Variants in SEPTIN3 observed in about 807,000 individuals in gnomAD.
SEPTIN3 encodes the protein neuronal-specific septin-3.
A neutral mutation model predicts 45.1 loss-of-function variants in SEPTIN3; 15 were observed. That is an observed-to-expected ratio of 0.33 (90% CI 0.22 to 0.51). The LOEUF is 0.51. Ranked by LOEUF, SEPTIN3 falls within the 20% of genes least tolerant of loss-of-function variation. The pLI is 0.97. For missense variants in SEPTIN3, 289 were observed against 457.2 expected (o/e 0.63, Z 3.35); for synonymous variants, 148 against 164.8 (o/e 0.90, Z 0.78).
chr22:41,975,567 G>C (rs1028426936), intron 2 of SEPTIN3, among the ~76,000 whole-genome samples: 1 of 152,062 alleles, frequency 6.6e-6, no homozygotes, highest in Non-Finnish European at 1.5e-5. Context: ...GATGTCTCCC[G>C]GGCATGTCCA....
chr22:41,985,855 C>T, intron 3 of SEPTIN3, 129 bp from the exon 4 acceptor site: 1 of 1,161,360 alleles, frequency 8.6e-7, no homozygotes, highest in East Asian at 2.9e-5. Flanking sequence ...GCCTGGCCAT[C>T]CCCCAGTGAG....
At chr22:41,981,614 C>A in intron 2 of SEPTIN3, 31 bp from the exon 3 acceptor site, 1 of 1,580,692 alleles carries the variant, frequency 6.3e-7, no homozygotes, top group African/African-American at 1.3e-5. Context: ...TCCTGATCAC[C>A]CCTCCGACCC....
chr22:41,995,168 G>A, intron 11 of SEPTIN3: 2 of 1,056,500 alleles, frequency 1.9e-6, no homozygotes, highest in Non-Finnish European at 2.3e-6. Context: ...ACAAACTGGG[G>A]CTATAGAGAT....
At position 41,976,917 on chromosome 22, in the gene SEPTIN3, G is replaced by C. The variant is rs1466383369; in HGVS notation, c.1504+3921G>C. Reference sequence around the variant, plus strand: ...CGGGGCGCAGGGGCGGCGCGGCGGGGCCGCGGGCCGGGCGGGTGGGAGGAG... The same window carrying C: ...CGGGGCGCAGGGGCGGCGCGGCGGGCCCGCGGGCCGGGCGGGTGGGAGGAG... On this transcript the variant is annotated intron_variant, in intron 2 of 11. Coordinates refer to ENST00000644076, the MANE Select transcript of SEPTIN3 (RefSeq NM_001363845.2). This position sits in a 1 kb window ranked among gnomAD's most constrained non-coding sequence, Gnocchi z 5.8. 7.5e-6 allele frequency: 3 copies of C among 399,470 alleles called. No homozygotes were observed. In the East Asian group the frequency reaches 2.7e-4, roughly 36 times the overall value. 24.7% of individuals were successfully genotyped at this position (399,470 alleles called of 1,614,324 possible).
chr22:41,987,660 A>G lies in SEPTIN3; in HGVS notation c.1946A>G (p.Glu649Gly). 6.2e-7 allele frequency: 1 copy of G among 1,614,074 alleles called. No individual in the cohort carries two copies. Among genetic ancestry groups the G allele is most frequent in the Non-Finnish European group, 8.5e-7 (1 of 1,179,922 alleles). Residue 649 changes from glutamate (E) to glycine (G), a missense_variant, in exon 6 of 12, where the codon GAG (glutamate) becomes GGG (glycine). This residue lies in a region of SEPTIN3 where 200 missense variants were observed against 315.1 expected (regional missense o/e 0.63). Coordinates refer to ENST00000644076, the MANE Select transcript of SEPTIN3 (RefSeq NM_001363845.2). ...PIEKYINEQY[E>G]KFLKEEVNIA... ...GAGAAGTACATCAATGAGCAGTACGAGAAGTTCCTGAAGGAGGAGGTCAAC... is the reference window on the plus strand; with the variant it reads ...GAGAAGTACATCAATGAGCAGTACGGGAAGTTCCTGAAGGAGGAGGTCAAC...
In SEPTIN3 at chr22:41,976,220, C is replaced by T. The variant is rs1880216462; in HGVS notation, c.1504+3224C>T. The T allele has an allele frequency of 6.6e-6, 1 of 152,456 alleles. No homozygotes were observed. The highest frequency in any genetic ancestry group is 2.4e-5 in the African/African-American group (1 of 41,438). 9.4% of individuals were successfully genotyped at this position (152,456 alleles called of 1,614,324 possible). ...CCCACCTGCCTGCACCCTCAGTTCC[C>T]TGTGTGCACCCCGGCCCCTGCATTA... On this transcript the variant is annotated intron_variant, in intron 2 of 11. Coordinates refer to ENST00000644076, the MANE Select transcript of SEPTIN3 (RefSeq NM_001363845.2). This position sits in a 1 kb window ranked among gnomAD's most constrained non-coding sequence, Gnocchi z 5.8.
At chr22:41,995,006 G>A (rs747346805) in intron 11 of SEPTIN3, 1 of 1,294,068 alleles carries the variant, frequency 7.7e-7, no homozygotes, top group Non-Finnish European at 9.9e-7. Flanking sequence ...TCCCTTGTAA[G>A]TTTGGCTCCT....
chr22:41,992,638 C>T, intron 8 of SEPTIN3, 26 bp from the exon 9 acceptor site: 1 of 1,506,470 alleles, frequency 6.6e-7, no homozygotes, highest in Middle Eastern at 1.8e-4. Flanking sequence ...GCACATGTGT[C>T]TGGTTTGTGT....
intron 2 of SEPTIN3, among the ~76,000 whole-genome samples, chr22:41,975,133 G>A (rs79622696): frequency 0.025 from 3,864 of 152,186 alleles, 154 homozygotes; most frequent in African/African-American, 0.089. Context: ...TTGGAGCCTT[G>A]TATATATGGA....
intron 3 of SEPTIN3, among the ~76,000 whole-genome samples, chr22:41,982,400 C>T (rs944232111): frequency 1.3e-4 from 20 of 152,046 alleles, no homozygotes; most frequent in African/African-American, 4.3e-4. Context: ...CGCAGCTACT[C>T]GGGAGGCTGA....
chr22:41,972,139 A>G lies in SEPTIN3; in HGVS notation c.647A>G (p.His216Arg), dbSNP rs917282220. The G allele has an allele frequency of 1.0e-5, 4 of 398,952 alleles. No individual in the cohort carries two copies. The highest frequency in any genetic ancestry group is 1.3e-5 in the Non-Finnish European group (3 of 226,134). 24.7% of individuals were successfully genotyped at this position (398,952 alleles called of 1,614,324 possible). ...LAEPGSLGQGHLVSVTDHMPT... is the reference protein window; with the variant it reads ...LAEPGSLGQGRLVSVTDHMPT... ...GAGCCAGGCTCGTTGGGCCAGGGGC[A>G]CCTTGTCTCAGTGACTGACCACATG... Residue 216 changes from histidine to arginine, a missense_variant, in exon 2 of 12, where the codon CAC (histidine) becomes CGC (arginine). His to Arg is a conservative substitution (Grantham distance 29). This residue lies in a region of SEPTIN3 where 200 missense variants were observed against 315.1 expected (regional missense o/e 0.63). Coordinates refer to ENST00000644076, the MANE Select transcript of SEPTIN3 (RefSeq NM_001363845.2).
chr22:41,989,379 A>G (rs1412592980), intron 6 of SEPTIN3, among the ~76,000 whole-genome samples, 188 bp from the exon 7 acceptor site: 1 of 152,172 alleles, frequency 6.6e-6, no homozygotes, highest in Non-Finnish European at 1.5e-5. Context: ...AGAAAAAGGC[A>G]GGTGTTGAGG....
In SEPTIN3 at chr22:41,989,430, C is replaced by T. The variant is rs540059778; in HGVS notation, c.2046-137C>T. The T allele has an allele frequency of 8.8e-5, 58 of 660,636 alleles. No homozygotes were observed. The Middle Eastern group carries it at 1.3e-3, about 15-fold the overall frequency. The allele number at this position is 660,636 out of a possible 1,614,324, so 40.9% of individuals were successfully genotyped here. On this transcript the variant is annotated intron_variant, in intron 6 of 11. Coordinates refer to ENST00000644076, the MANE Select transcript of SEPTIN3 (RefSeq NM_001363845.2). The stretch of plus-strand genomic sequence containing the variant: ...CAAGGCAGTGGGGCTGTGTCGGAGA[C>T]GAGAGGTAGCAGCCTCTTGGCCTCA...
chr22:41,978,121 G>A (rs1386388155), intron 2 of SEPTIN3, among the ~76,000 whole-genome samples: 1 of 152,324 alleles, frequency 6.6e-6, no homozygotes, highest in East Asian at 1.9e-4. Context: ...GAAGGAGGAG[G>A]TCTCAACAAT....
At chr22:41,992,551 C>A in intron 8 of SEPTIN3, 113 bp from the exon 9 acceptor site, 1 of 644,488 alleles carries the variant, frequency 1.6e-6, no homozygotes, top group East Asian at 2.9e-5. Context: ...GAATGAGCAT[C>A]AGAAGTGTGT....
intron 3 of SEPTIN3, among the ~76,000 whole-genome samples, chr22:41,984,870 T>TG: frequency 7.6e-6 from 1 of 131,742 alleles, no homozygotes; most frequent in Non-Finnish European, 1.6e-5. Flanking sequence ...TTTTTTTTTT[T>TG]GAGACGGAGT....
Position 41,994,817 on chromosome 22 carries a change from C to G in SEPTIN3, c.2505+103C>G. Reference sequence around the variant, plus strand: ...CACACACACACATCCCAAATACCACCACCAACCACCTTCTTCCTCTCAACT... The same window carrying G: ...CACACACACACATCCCAAATACCACGACCAACCACCTTCTTCCTCTCAACT... On this transcript the variant is annotated intron_variant, in intron 11 of 11. Transcript: ENST00000644076. This position sits in a 1 kb window ranked among gnomAD's most constrained non-coding sequence, Gnocchi z 4.2. The G allele has an allele frequency of 6.2e-7, 1 of 1,607,142 alleles. No homozygotes were observed. Among genetic ancestry groups the G allele is most frequent in the Middle Eastern group, 1.7e-4 (1 of 6,044 alleles).
At chr22:41,981,437 C>T (rs1248104461) in intron 2 of SEPTIN3, 2 of 525,530 alleles carry the variant, frequency 3.8e-6, no homozygotes, top group Admixed American at 6.4e-5. Flanking sequence ...TTACCTCTGA[C>T]CTGCTCTGTG....
At chr22:41,987,524 A>G in intron 5 of SEPTIN3, 98 bp from the exon 6 acceptor site, 1 of 1,423,202 alleles carries the variant, frequency 7.0e-7, no homozygotes, top group Non-Finnish European at 9.7e-7. Context: ...CCAACCAGGG[A>G]ATGACATGAA....
Sources: gnomAD v4.1 joint callset for allele counts (sites outside exome capture counted in the v4.1 genomes callset) on GRCh38, gnomAD v4.1.1 for gene constraint, gnomAD v4.1.1 regional missense constraint, Gnocchi (gnomAD v3.1) non-coding constraint, MANE v1.5 for transcripts, NCBI Gene and HGNC (gene_info 2026-07-23, HGNC 2026-07-21) for gene names.